Variants in KLF15 observed in about 807,000 individuals in gnomAD.
KLF15 encodes Krueppel-like factor 15.
KLF15 carries 4 observed loss-of-function variants against 24.6 expected under a neutral mutation model. The observed-to-expected ratio is 0.16, with a 90% confidence interval of 0.08 to 0.37. KLF15 has a LOEUF of 0.37. KLF15 is among the 10% of genes least tolerant of loss of function. The probability of loss-of-function intolerance (pLI) is 1.00; values close to 1 mark genes in which losing one functional copy is unlikely to be tolerated. For synonymous variants in KLF15, 246 were observed against 236.3 expected, an observed-to-expected ratio of 1.04 and a Z score of -0.37; for missense variants, 496 against 560.6, an observed-to-expected ratio of 0.88 and a Z score of 1.16.
chr3:126,331,209 G>T, the KLF15 span, among the ~76,000 whole-genome samples: 2 of 152,190 alleles, frequency 1.3e-5, no homozygotes, highest in African/African-American at 4.8e-5. Context: ...TTCTGTGGAG[G>T]TCTTAGGAGT....
At chr3:126,301,529 CT>C in the KLF15 span, among the ~76,000 whole-genome samples, 1 of 152,044 alleles carries the variant, frequency 6.6e-6, no homozygotes, top group Non-Finnish European at 1.5e-5. Context: ...GCCACGCACA[CT>C]CTCTCACCCT....
chr3:126,342,013 G>T (rs1429178255), downstream of KLF15, among the ~76,000 whole-genome samples: 1 of 152,130 alleles, frequency 6.6e-6, no homozygotes, highest in Non-Finnish European at 1.5e-5. Flanking sequence ...GCTCCAGCCA[G>T]CACAGGACGT....
At chr3:126,303,240 G>A in the KLF15 span, among the ~76,000 whole-genome samples, 1 of 151,248 alleles carries the variant, frequency 6.6e-6, no homozygotes, top group Non-Finnish European at 1.5e-5. Context: ...CCATTTTCAG[G>A]GCTCTTCATC....
intron 1 of KLF15, among the ~76,000 whole-genome samples, chr3:126,354,793 C>T (rs977837511): frequency 6.6e-6 from 1 of 152,218 alleles, no homozygotes; most frequent in Non-Finnish European, 1.5e-5. Flanking sequence ...CCAACCCTTT[C>T]CCACCCTCCA....
At chr3:126,294,183 G>T in the KLF15 span, among the ~76,000 whole-genome samples, 3 of 152,176 alleles carry the variant, frequency 2.0e-5, no homozygotes, top group Non-Finnish European at 4.4e-5. Flanking sequence ...CGGTGGGCCA[G>T]ATCAGTGGGT....
At chr3:126,354,832 G>A (rs1293627658) in intron 1 of KLF15, among the ~76,000 whole-genome samples, 2 of 152,200 alleles carry the variant, frequency 1.3e-5, no homozygotes, top group African/African-American at 4.8e-5. Context: ...GAGTCTGCAA[G>A]TTGTCTGCCA....
At chr3:126,354,204 A>G (rs1277785033) in intron 1 of KLF15, 2 of 152,292 alleles carry the variant, frequency 1.3e-5, no homozygotes, top group Non-Finnish European at 2.9e-5. Flanking sequence ...GAGAGTCAAT[A>G]GTGTCCAGCT....
the KLF15 span, among the ~76,000 whole-genome samples, chr3:126,322,517 C>G: frequency 1.3e-5 from 2 of 152,184 alleles, no homozygotes; most frequent in African/African-American, 2.4e-5. Context: ...GCTGGATCCA[C>G]CAGATAACCC....
chr3:126,309,407 T>C, the KLF15 span, among the ~76,000 whole-genome samples: 1 of 152,226 alleles, frequency 6.6e-6, no homozygotes, highest in Non-Finnish European at 1.5e-5. Flanking sequence ...TTCTCCCTGC[T>C]GCGGTGAGAG....
At chr3:126,319,198 G>T in the KLF15 span, among the ~76,000 whole-genome samples, 1 of 152,178 alleles carries the variant, frequency 6.6e-6, no homozygotes, top group South Asian at 2.1e-4. Flanking sequence ...CCTACTGAAG[G>T]ACATGTTGGT....
rs139892976 is a variant in KLF15 at position 126,352,588 on chromosome 3, G to A, written c.335C>T (p.Ala112Val). 329 of 1,611,876 alleles carry A rather than the reference G, an allele frequency of 2.0e-4. No homozygotes were observed. Among genetic ancestry groups the A allele is most frequent in the African/African-American group, 1.5e-3 (113 of 75,002 alleles). The change falls in exon 2 of 3, where the codon GCG becomes GTG. Residue 112 changes from alanine (A) to valine (V), a missense_variant. Around this residue, in one of 3 missense-constraint regions of KLF15, gnomAD observed 399 missense variants for 423.1 expected, o/e 0.94. Coordinates refer to ENST00000296233, the MANE Select transcript of KLF15 (RefSeq NM_014079.4). ...GAAATGCTCCCCCTTCACAGGGGCC[G>A]CTGCCCTTCGCCAGGGCCCCCAGGC... is the stretch of plus-strand genomic sequence containing the variant. ...PVAWGPWRRA[A>V]APVKGEHFCL...
chr3:126,324,767 T>TTC, the KLF15 span, among the ~76,000 whole-genome samples: 114 of 146,352 alleles, frequency 7.8e-4, no homozygotes, highest in African/African-American at 2.8e-3. Flanking sequence ...TTTTTTTTTT[T>TTC]CATTGATCTT....
chr3:126,339,204 G>A (rs1022240927), downstream of KLF15, among the ~76,000 whole-genome samples: 2 of 152,164 alleles, frequency 1.3e-5, no homozygotes, highest in Admixed American at 6.5e-5. Flanking sequence ...AATGGGAGCC[G>A]AGCCAGAGCC....
chr3:126,352,546 G>T lies in KLF15; in HGVS notation c.377C>A (p.Pro126His), dbSNP rs767662559. ...KGEHFCLPEF[P>H]LGDPDDVPRP... ...TGGGACGTCATCAGGATCACCCAAA[G>T]GAAACTCGGGCAAGCAGAAATGCTC... Residue 126 changes from proline to histidine, a missense_variant, in exon 2 of 3, where the codon CCT becomes CAT. Pro to His is a moderately conservative substitution (Grantham distance 77). Around this residue, in one of 3 missense-constraint regions of KLF15, gnomAD observed 399 missense variants for 423.1 expected, o/e 0.94. Transcript: ENST00000296233. 3.5e-5 allele frequency: 57 copies of T among 1,612,844 alleles called. No individual in the cohort carries two copies. The highest frequency in any genetic ancestry group is 3.6e-5 in the Non-Finnish European group (42 of 1,180,020).
At chr3:126,338,717 G>T (rs1415551754), downstream of KLF15, among the ~76,000 whole-genome samples, 1 of 152,162 alleles carries the variant, frequency 6.6e-6, no homozygotes, top group Non-Finnish European at 1.5e-5. Flanking sequence ...TGATTTAGAC[G>T]TATTTCTGCA....
the KLF15 span, among the ~76,000 whole-genome samples, chr3:126,310,016 G>A: frequency 6.6e-6 from 1 of 152,254 alleles, no homozygotes; most frequent in Non-Finnish European, 1.5e-5. Flanking sequence ...ATTTCTCCCA[G>A]GTTGGAAGGC....
At chr3:126,323,460 T>TATATATATATAACATATATATAA in the KLF15 span, among the ~76,000 whole-genome samples, 2 of 96,976 alleles carry the variant, frequency 2.1e-5, no homozygotes, top group African/African-American at 1.0e-4. Flanking sequence ...TATATATATA[T>TATATATATATAACATATATATAA]AACATATATA....
intron 2 of KLF15, 44 bp from the exon 3 acceptor site, chr3:126,343,939 C>A: frequency 6.6e-7 from 1 of 1,514,162 alleles, no homozygotes; most frequent in East Asian, 2.3e-5. Flanking sequence ...CCTGCCTGCC[C>A]CTGCCTGCCC....
chr3:126,317,060 C>T, the KLF15 span, among the ~76,000 whole-genome samples: 2 of 152,122 alleles, frequency 1.3e-5, no homozygotes, highest in Non-Finnish European at 2.9e-5. Context: ...TCCATCCATT[C>T]TCCTTCTCTG....
Sources: allele counts gnomAD v4.1 joint callset (sites outside exome capture counted in the v4.1 genomes callset), GRCh38; gene constraint gnomAD v4.1.1; regional missense constraint gnomAD v4.1.1; transcripts MANE v1.5; gene names NCBI Gene and HGNC (gene_info 2026-07-23, HGNC 2026-07-21).